ASIC2: variants seen among roughly 807,000 people sequenced by gnomAD.
The protein encoded by ASIC2 is acid-sensing ion channel 2.
In ASIC2, 25 loss-of-function variants were observed where a neutral mutation model predicts 57.3. The observed-to-expected ratio is 0.44, with a 90% CI of 0.32 to 0.61. The LOEUF is 0.61. ASIC2 is among the 20% of genes least tolerant of loss of function. ASIC2 has a pLI of 0.06. For missense variants in ASIC2, 641 were observed against 738.1 expected (o/e 0.87, Z 1.52); for synonymous variants, 319 against 307.5 (o/e 1.04, Z -0.39).
intron 1 of ASIC2, among the ~76,000 whole-genome samples, chr17:33,934,266 C>T (rs1385353274): frequency 6.6e-6 from 1 of 152,234 alleles, no homozygotes; most frequent in Non-Finnish European, 1.5e-5. Flanking sequence ...CCACAGCCTT[C>T]TCCTTGCTCA....
chr17:33,882,274 C>G (rs1373466367), intron 1 of ASIC2, among the ~76,000 whole-genome samples: 1 of 152,144 alleles, frequency 6.6e-6, no homozygotes, highest in Non-Finnish European at 1.5e-5. Context: ...TCTAATTAAA[C>G]TAAAGAGCTT....
intron 1 of ASIC2, among the ~76,000 whole-genome samples, chr17:33,630,361 G>T (rs747395224): frequency 7.9e-5 from 12 of 152,108 alleles, no homozygotes; most frequent in Non-Finnish European, 1.5e-4. Context: ...TGTCTGTGCA[G>T]TGACCACCTA....
chr17:33,702,498 C>A (rs532125307), intron 1 of ASIC2, among the ~76,000 whole-genome samples: 15 of 152,124 alleles, frequency 9.9e-5, no homozygotes, highest in Non-Finnish European at 2.2e-4. Flanking sequence ...GCAGAGCCAG[C>A]GTCACACCTT....
At chr17:33,925,251 A>G (rs1223028360) in intron 1 of ASIC2, among the ~76,000 whole-genome samples, 2 of 152,206 alleles carry the variant, frequency 1.3e-5, no homozygotes, top group Non-Finnish European at 2.9e-5. Context: ...CTCCATACCA[A>G]CTTGCACAAG....
chr17:33,813,248 TC>T (rs1410343734), intron 1 of ASIC2, among the ~76,000 whole-genome samples: 4 of 151,996 alleles, frequency 2.6e-5, no homozygotes, highest in African/African-American at 9.7e-5. Context: ...ATTAGTGACA[TC>T]CACCAGGCTG....
At chr17:33,275,457 C>G (rs1904666979) in intron 1 of ASIC2, among the ~76,000 whole-genome samples, 2 of 152,350 alleles carry the variant, frequency 1.3e-5, no homozygotes, top group East Asian at 3.9e-4. Flanking sequence ...CTACAGGTAT[C>G]AATTAATGAC....
At chr17:33,144,632 C>T (rs898168377) in intron 1 of ASIC2, among the ~76,000 whole-genome samples, 2 of 152,148 alleles carry the variant, frequency 1.3e-5, no homozygotes, top group Non-Finnish European at 2.9e-5. Flanking sequence ...GTAGGGCTGC[C>T]TAGGGTGACC....
At chr17:33,578,813 A>G (rs746606764) in intron 1 of ASIC2, among the ~76,000 whole-genome samples, 2 of 152,114 alleles carry the variant, frequency 1.3e-5, no homozygotes, top group Non-Finnish European at 2.9e-5. Flanking sequence ...CACAGTTCAT[A>G]TAGTTCAGGG....
intron 1 of ASIC2, among the ~76,000 whole-genome samples, chr17:33,611,924 G>T (rs954199460): frequency 1.1e-4 from 16 of 152,206 alleles, no homozygotes; most frequent in African/African-American, 3.9e-4. Context: ...TCCAAGATCT[G>T]CAGCCAGCAA....
rs111814533 is a variant in ASIC2, at chr17:33,019,207, C to T, written c.1442-1523G>A. Among the ~76,000 whole-genome samples the T allele has an allele frequency of 6.0e-3, 912 of 151,814 alleles. 9 individuals are homozygous for T. The highest frequency in any genetic ancestry group is 0.021 in the African/African-American group (851 of 41,346). On this transcript the variant is annotated intron_variant, in intron 7 of 9. Coordinates refer to ENST00000225823, the MANE Select transcript of ASIC2 (RefSeq NM_183377.2). ...TATGCCAGGGTCTGGGGTGTGTGCA[C>T]GTATTTGTATAAAAGCAGGCAGGAG...
Position 33,657,811 on chromosome 17 carries a change from T to C in ASIC2, c.555+498167A>G, listed in dbSNP as rs373421286. Among the ~76,000 whole-genome samples, 92 of 151,276 alleles carry C rather than the reference T, an allele frequency of 6.1e-4. 1 individual carries two copies. In the South Asian group the frequency reaches 0.019, roughly 31 times the overall value. On this transcript the variant is annotated intron_variant, in intron 1 of 9. Transcript: ENST00000359872. ...TGCATAATTGTCATCTCCAGGATGT[T>C]TAGAAAAGGGAACACTGGATTAAAC...
intron 1 of ASIC2, among the ~76,000 whole-genome samples, chr17:33,607,674 C>T (rs1905264126): frequency 6.6e-6 from 1 of 152,192 alleles, no homozygotes; most frequent in Admixed American, 6.5e-5. Flanking sequence ...CCTTGTGACT[C>T]TCCATCAGCT....
intron 1 of ASIC2, among the ~76,000 whole-genome samples, chr17:33,207,134 G>C (rs1391275504): frequency 6.6e-6 from 1 of 152,210 alleles, no homozygotes; most frequent in African/African-American, 2.4e-5. Context: ...CTCAGTCTGA[G>C]GAGAAGGGCT....
chr17:33,578,673 C>A (rs949099637), intron 1 of ASIC2, among the ~76,000 whole-genome samples: 1 of 152,186 alleles, frequency 6.6e-6, no homozygotes, highest in African/African-American at 2.4e-5. Flanking sequence ...TACTTCACTC[C>A]CCCCTCCTCT....
At chr17:33,881,145 A>G (rs1358300696) in intron 1 of ASIC2, among the ~76,000 whole-genome samples, 3 of 152,138 alleles carry the variant, frequency 2.0e-5, no homozygotes, top group South Asian at 2.1e-4. Flanking sequence ...TAAACCCACA[A>G]CCAATATCAT....
intron 1 of ASIC2, among the ~76,000 whole-genome samples, chr17:33,489,603 C>A (rs1490356902): frequency 6.6e-6 from 1 of 152,232 alleles, no homozygotes; most frequent in Non-Finnish European, 1.5e-5. Flanking sequence ...TCTAAGACCT[C>A]AGATTCCAGG....
chr17:33,112,295 CA>C, intron 1 of ASIC2: 2 of 545,158 alleles, frequency 3.7e-6, no homozygotes, highest in Non-Finnish European at 6.4e-6. Context: ...GGGTTTGTTG[CA>C]GTAGGATCTG....
chr17:33,313,559 C>T (rs1299168651), intron 1 of ASIC2, among the ~76,000 whole-genome samples: 1 of 152,092 alleles, frequency 6.6e-6, no homozygotes, highest in Non-Finnish European at 1.5e-5. Context: ...GGAATGTGGA[C>T]TTTATCATTC....
At chr17:34,060,978 A>T (rs992365356) in intron 1 of ASIC2, among the ~76,000 whole-genome samples, 1 of 152,198 alleles carries the variant, frequency 6.6e-6, no homozygotes, top group Non-Finnish European at 1.5e-5. Context: ...TAGACACCCA[A>T]ATACAAGAAT....
Sources: gnomAD v4.1 joint callset for allele counts (sites outside exome capture counted in the v4.1 genomes callset) on GRCh38, gnomAD v4.1.1 for gene constraint, MANE v1.5 for transcripts, NCBI Gene and HGNC (gene_info 2026-07-23, HGNC 2026-07-21) for gene names.